Variants in SBF2 observed in about 807,000 individuals in gnomAD.
SBF2 encodes the protein SET binding factor 2, also known as myotubularin-related protein 13.
A neutral mutation model predicts 225.2 loss-of-function variants in SBF2; 112 were observed. The observed-to-expected ratio is 0.50, with a 90% CI of 0.43 to 0.58. The LOEUF (loss-of-function observed/expected upper bound fraction) is 0.58, where lower values mean the gene tolerates loss of function less well. Among genes scored for constraint, SBF2 ranks in the 20% least tolerant of loss-of-function variants. The pLI is 0.00. For synonymous variants in SBF2, 763 were observed against 773.3 expected (o/e 0.99, Z 0.22); for missense variants, 1,996 against 2,206.2 (o/e 0.90, Z 1.91).
chr11:9,826,737 GTGTGTGTGTGTGTA>G lies in SBF2; in HGVS notation c.3793+2605_3793+2618del, dbSNP rs769240521. 1.8e-3 allele frequency among the ~76,000 whole-genome samples: 268 copies of G among 149,440 alleles called. 2 individuals carry two copies. Among genetic ancestry groups the G allele is most frequent in the Non-Finnish European group, 3.0e-3 (203 of 67,512 alleles). Reference sequence around the variant, plus strand: ...TGTATATATATATATATATATGTGTGTGTGTGTGTGTGTATGTGTGTGTGTGTATGTATATATAT... The same window carrying G: ...TGTATATATATATATATATATGTGTGTGTGTGTGTGTGTATGTATATATAT... On this transcript the variant is annotated intron_variant, in intron 28 of 39. Coordinates refer to ENST00000256190, the MANE Select transcript of SBF2 (RefSeq NM_030962.4).
At chr11:10,290,114 C>A (rs547316360) in intron 1 of SBF2, among the ~76,000 whole-genome samples, 1 of 152,270 alleles carries the variant, frequency 6.6e-6, no homozygotes, top group African/African-American at 2.4e-5. Context: ...TTTATACAAG[C>A]TTCTGGATTG....
chr11:10,234,117 C>T (rs544050723), intron 1 of SBF2, among the ~76,000 whole-genome samples: 13 of 152,322 alleles, frequency 8.5e-5, no homozygotes, highest in Admixed American at 6.5e-4. Flanking sequence ...ATATCTATTT[C>T]TCTCATTTAT....
chr11:10,029,997 G>T, intron 4 of SBF2, 122 bp from the exon 5 acceptor site: 1 of 743,940 alleles, frequency 1.3e-6, no homozygotes. Flanking sequence ...CAGTGAACAT[G>T]GAATACATTT....
At chr11:10,226,669 TTATGGCTGCA>T (rs982569110) in intron 1 of SBF2, among the ~76,000 whole-genome samples, 1 of 152,248 alleles carries the variant, frequency 6.6e-6, no homozygotes, top group African/African-American at 2.4e-5. Flanking sequence ...TCATCATTTT[TTATGGCTGCA>T]TAGTATTCCA....
At chr11:10,221,275 G>A (rs951406730) in intron 1 of SBF2, among the ~76,000 whole-genome samples, 2 of 151,808 alleles carry the variant, frequency 1.3e-5, no homozygotes, top group African/African-American at 2.4e-5. Context: ...GAGCCGTCAC[G>A]CCCAGCTAAT....
chr11:10,187,287 T>TC (rs1220579605), intron 2 of SBF2, among the ~76,000 whole-genome samples: 1 of 151,538 alleles, frequency 6.6e-6, no homozygotes, highest in Non-Finnish European at 1.5e-5. Flanking sequence ...CTCCTCTCTC[T>TC]CTCTCTCTCC....
intron 13 of SBF2, among the ~76,000 whole-genome samples, chr11:9,976,364 G>A (rs936333229): frequency 6.6e-6 from 1 of 151,894 alleles, no homozygotes; most frequent in African/African-American, 2.4e-5. Context: ...GAGCCACTGC[G>A]CCTGGCCCAG....
chr11:10,055,164 A>C (rs567194672), intron 2 of SBF2, among the ~76,000 whole-genome samples: 72 of 152,224 alleles, frequency 4.7e-4, no homozygotes, highest in African/African-American at 1.6e-3. Flanking sequence ...AGCCTCCCCA[A>C]GTGCTGAGAT....
chr11:10,212,075 T>G (rs1957961868), intron 1 of SBF2, among the ~76,000 whole-genome samples: 1 of 152,220 alleles, frequency 6.6e-6, no homozygotes, highest in African/African-American at 2.4e-5. Context: ...GATGTGAGAC[T>G]GCTTTGGTAA....
At chr11:9,887,750 T>C (rs1239322913) in intron 17 of SBF2, among the ~76,000 whole-genome samples, 2 of 152,098 alleles carry the variant, frequency 1.3e-5, no homozygotes, top group East Asian at 3.9e-4. Flanking sequence ...GATTAATATT[T>C]GGTTTACAGC....
At chr11:9,839,815 A>G (rs759470696) in intron 25 of SBF2, 119 bp from the exon 26 acceptor site, 62 of 1,154,528 alleles carry the variant, frequency 5.4e-5, no homozygotes, top group Non-Finnish European at 7.5e-5. Context: ...GACAGATATC[A>G]AAGAAATGAT....
At chr11:10,270,856 C>A (rs1197935338) in intron 1 of SBF2, among the ~76,000 whole-genome samples, 11 of 151,688 alleles carry the variant, frequency 7.3e-5, no homozygotes, top group Non-Finnish European at 1.6e-4. Context: ...TTAGCCAAGC[C>A]TGGTGGCGGG....
chr11:10,232,928 G>C (rs1246267571), intron 1 of SBF2, among the ~76,000 whole-genome samples: 1 of 152,122 alleles, frequency 6.6e-6, no homozygotes, highest in Non-Finnish European at 1.5e-5. Flanking sequence ...CTCTGATAGG[G>C]AGTGATAAAT....
chr11:9,787,690 G>A lies in SBF2; in HGVS notation c.4981C>T (p.Gln1661Ter). Residue 1661 changes from glutamine to a stop codon, truncating the protein, a stop_gained, in exon 36 of 40, where the codon CAG becomes TAG. Transcript: ENST00000256190. LOFTEE classifies it high-confidence loss of function. ...HKLNQAPEKW[Q>*]QLWERVTVDL... ...ACGGTTACCCTTTCCCACAGCTGCT[G>A]CCACTTCTCAGGGGCTTGGTTCAAT... The A allele has an allele frequency of 6.2e-7, 1 of 1,614,188 alleles. No individual in the cohort carries two copies. The highest frequency in any genetic ancestry group is 8.5e-7 in the Non-Finnish European group (1 of 1,180,042).
Position 10,193,953 on chromosome 11 carries a change from T to C in SBF2, c.90A>G (p.Arg30=), listed in dbSNP as rs551470384. 1.8e-5 allele frequency: 29 copies of C among 1,612,918 alleles called. No homozygotes were observed. The highest frequency in any genetic ancestry group is 2.5e-5 in the Non-Finnish European group (29 of 1,179,084). The change falls in exon 2 of 40, where the codon AGA becomes AGG. Residue 30 remains arginine, a synonymous_variant. Transcript: ENST00000256190. ...SGEGLGKIIQ[R]FPQKDWDDTP... The stretch of plus-strand genomic sequence containing the variant: ...TATCATCCCAGTCCTTCTGTGGAAA[T>C]CTCTGGATTATTTTCCCCAGACCTT...
In SBF2 at chr11:9,858,022, G is replaced by A. The variant is rs147460615; in HGVS notation, c.2100+204C>T. 0.013 allele frequency among the ~76,000 whole-genome samples: 1,969 copies of A among 152,160 alleles called. 33 individuals carry two copies. Among genetic ancestry groups the A allele is most frequent in the Non-Finnish European group, 0.018 (1,200 of 68,006 alleles). On this transcript the variant is annotated intron_variant, in intron 18 of 39. Coordinates refer to ENST00000256190, the MANE Select transcript of SBF2 (RefSeq NM_030962.4). Reference sequence around the variant, plus strand: ...ATTAAAGTATATTAAAACAATCCTAGTGCTGAAGAACTGTATTAAGAAGTT... The same window carrying A: ...ATTAAAGTATATTAAAACAATCCTAATGCTGAAGAACTGTATTAAGAAGTT...
chr11:9,923,061 A>T (rs1015245139), intron 16 of SBF2, among the ~76,000 whole-genome samples: 26 of 152,170 alleles, frequency 1.7e-4, no homozygotes, highest in African/African-American at 5.6e-4. Context: ...AGAGTACTGA[A>T]GCAAGTCATG....
rs111738796 is a variant in SBF2, at chr11:9,941,146, C to CA, written c.1860+20810dup. The stretch of plus-strand genomic sequence containing the variant: ...GCAATAAAGCGAGACCCTGTCTCTA[C>CA]AAAAAAATAAAAAAATAAATTAGCT... On this transcript the variant is annotated intron_variant, in intron 16 of 39. Coordinates refer to ENST00000256190, the MANE Select transcript of SBF2 (RefSeq NM_030962.4). 2.0e-5 allele frequency among the ~76,000 whole-genome samples: 3 copies of CA among 151,598 alleles called. No homozygotes were observed. In the East Asian group the frequency reaches 5.8e-4, roughly 29 times the overall value.
At chr11:9,839,863 T>C (rs1354517523) in intron 25 of SBF2, among the ~76,000 whole-genome samples, 167 bp from the exon 26 acceptor site, 5 of 152,200 alleles carry the variant, frequency 3.3e-5, no homozygotes, top group Non-Finnish European at 7.3e-5. Flanking sequence ...GTAGTACCTG[T>C]GGGGAGCTCA....
Sources: allele counts gnomAD v4.1 joint callset (sites outside exome capture counted in the v4.1 genomes callset), GRCh38; gene constraint gnomAD v4.1.1; transcripts MANE v1.5; gene names NCBI Gene and HGNC (gene_info 2026-07-23, HGNC 2026-07-21).